The following RORA variants were observed in gnomAD, a reference collection of about 807,000 sequenced individuals.
RORA encodes nuclear receptor ROR-alpha.
A neutral mutation model predicts 69.5 loss-of-function variants in RORA; 7 were observed. The observed-to-expected ratio is 0.10, with a 90% CI of 0.06 to 0.19. The LOEUF is 0.19. Among genes scored for constraint, RORA ranks in the 10% least tolerant of loss-of-function variants. RORA has a pLI of 1.00. For synonymous variants in RORA, 261 were observed against 240.8 expected (o/e 1.08, Z -0.78); for missense variants, 457 against 663.0 (o/e 0.69, Z 3.41).
chr15:60,711,376 T>C (rs2071141944), intron 1 of RORA, among the ~76,000 whole-genome samples: 2 of 152,210 alleles, frequency 1.3e-5, no homozygotes, highest in Admixed American at 6.5e-5. Flanking sequence ...TCAATACATA[T>C]TTATTAAATA....
intron 2 of RORA, among the ~76,000 whole-genome samples, chr15:60,611,559 C>CAAAAA (rs533598270): frequency 0.11 from 3,771 of 35,642 alleles, 1,273 homozygotes; most frequent in East Asian, 0.26. Flanking sequence ...TTGAGTTTTG[C>CAAAAA]AAAAAAAAAA....
At chr15:61,118,436 A>T (rs1404695064) in intron 1 of RORA, among the ~76,000 whole-genome samples, 2 of 152,256 alleles carry the variant, frequency 1.3e-5, no homozygotes, top group African/African-American at 4.8e-5. Context: ...TCTGGTTATT[A>T]AGGAAAACAA....
At chr15:60,836,920 A>G (rs1175742771) in intron 1 of RORA, among the ~76,000 whole-genome samples, 1 of 152,106 alleles carries the variant, frequency 6.6e-6, no homozygotes, top group Non-Finnish European at 1.5e-5. Flanking sequence ...TCTTGTGTAC[A>G]TTGCAGCCAG....
chr15:61,066,719 T>C (rs2078265034), intron 1 of RORA, among the ~76,000 whole-genome samples: 3 of 151,938 alleles, frequency 2.0e-5, no homozygotes, highest in Admixed American at 2.0e-4. Flanking sequence ...CGAGCCACTA[T>C]GCCCCGCTGG....
intron 1 of RORA, among the ~76,000 whole-genome samples, chr15:61,185,439 T>C (rs1027035224): frequency 6.6e-6 from 1 of 152,140 alleles, no homozygotes; most frequent in Non-Finnish European, 1.5e-5. Flanking sequence ...CAGAATGTTC[T>C]CATCAGAAAC....
intron 1 of RORA, among the ~76,000 whole-genome samples, chr15:60,846,246 C>G (rs1339742965): frequency 6.6e-6 from 1 of 152,224 alleles, no homozygotes; most frequent in African/African-American, 2.4e-5. Context: ...GCTTCCAGGT[C>G]AGAACCACAT....
intron 1 of RORA, among the ~76,000 whole-genome samples, chr15:61,112,577 C>T (rs1371123783): frequency 6.6e-6 from 1 of 152,110 alleles, no homozygotes; most frequent in African/African-American, 2.4e-5. Context: ...GGGTGCCACG[C>T]GTATTTAACG....
rs567580446 is a variant in RORA at position 60,784,716 on chromosome 15, A to C, written c.167-106030T>G. On this transcript the variant is annotated intron_variant, in intron 1 of 10. Transcript: ENST00000335670. ...AATTAGCATCCTGGTTCTGCTATTT[A>C]ACAGCTGTATGACTTGAGCAGTGAC... 1.6e-4 allele frequency among the ~76,000 whole-genome samples: 25 copies of C among 152,348 alleles called. No individual in the cohort carries two copies. In the South Asian group the frequency reaches 4.1e-3, roughly 25 times the overall value.
chr15:60,637,236 C>T (rs1180217079), intron 2 of RORA, among the ~76,000 whole-genome samples: 1 of 152,030 alleles, frequency 6.6e-6, no homozygotes, highest in Non-Finnish European at 1.5e-5. Flanking sequence ...ATTTAAAAAT[C>T]ATGCTATCTT....
intron 1 of RORA, among the ~76,000 whole-genome samples, chr15:60,891,067 C>A (rs528210808): frequency 6.6e-6 from 1 of 152,210 alleles, no homozygotes. Flanking sequence ...GGAGATGTCT[C>A]GGGAAGATCA....
intron 2 of RORA, among the ~76,000 whole-genome samples, chr15:60,635,518 G>T (rs1266019957): frequency 1.3e-5 from 2 of 152,108 alleles, no homozygotes; most frequent in Admixed American, 1.3e-4. Context: ...GGTGTTTCTT[G>T]CCAGACATAT....
intron 1 of RORA, among the ~76,000 whole-genome samples, chr15:61,058,203 AC>A (rs1471379770): frequency 6.6e-6 from 1 of 152,154 alleles, no homozygotes. Context: ...AGGAAAAAGC[AC>A]TAGTAGAAAG....
intron 1 of RORA, among the ~76,000 whole-genome samples, chr15:60,922,211 G>A (rs1478107946): frequency 6.6e-6 from 1 of 152,178 alleles, no homozygotes; most frequent in African/African-American, 2.4e-5. Flanking sequence ...AGGATTTTGA[G>A]GGCAGTGAAA....
At chr15:61,031,635 T>C (rs1896175476) in intron 1 of RORA, among the ~76,000 whole-genome samples, 1 of 152,194 alleles carries the variant, frequency 6.6e-6, no homozygotes, top group Admixed American at 6.5e-5. Context: ...ATGCCAGATG[T>C]ACTGTTCAGT....
Position 60,878,343 on chromosome 15 carries a change from CAAAAAAAAAAAA to C in RORA, c.167-199669_167-199658del, listed in dbSNP as rs35845582. Among the ~76,000 whole-genome samples the C allele has an allele frequency of 5.1e-3, 348 of 68,436 alleles. 4 individuals are homozygous for C. The highest frequency in any genetic ancestry group is 0.018 in the African/African-American group (325 of 18,318). The allele number at this position is 68,436 out of a possible 152,430, so 44.9% of individuals were successfully genotyped here. A position where few individuals can be genotyped will look rare whatever the true frequency, so the allele number is the denominator to read the frequency against. ...TGGGCGAAAGAGCAAGACTCTGTCT[CAAAAAAAAAAAA>C]AAAAAAAAAAAAAGAATTTTCCAGT... On this transcript the variant is annotated intron_variant, in intron 1 of 10. Coordinates refer to ENST00000335670, the MANE Select transcript of RORA (RefSeq NM_134261.3).
At chr15:60,799,358 G>A (rs568362376) in intron 1 of RORA, among the ~76,000 whole-genome samples, 9 of 152,184 alleles carry the variant, frequency 5.9e-5, no homozygotes, top group East Asian at 3.9e-4. Context: ...CCTTCTTGGC[G>A]TCCTCTCAAT....
At chr15:61,001,796 G>A (rs1325821468) in intron 1 of RORA, among the ~76,000 whole-genome samples, 2 of 152,244 alleles carry the variant, frequency 1.3e-5, no homozygotes, top group African/African-American at 2.4e-5. Flanking sequence ...AGGACAGAGA[G>A]TGACTGAGGG....
chr15:60,746,976 G>C (rs2071657886), intron 1 of RORA, among the ~76,000 whole-genome samples: 1 of 152,158 alleles, frequency 6.6e-6, no homozygotes, highest in South Asian at 2.1e-4. Flanking sequence ...ACTCTAGTTA[G>C]TGTCAGCCTC....
intron 1 of RORA, among the ~76,000 whole-genome samples, chr15:61,122,308 T>C (rs782935): frequency 0.47 from 72,076 of 152,034 alleles, 17,580 homozygotes; most frequent in African/African-American, 0.57. Flanking sequence ...GACTGAGAAC[T>C]AAGGGAAGCA....
Sources: gnomAD v4.1 joint callset for allele counts (sites outside exome capture counted in the v4.1 genomes callset) on GRCh38, gnomAD v4.1.1 for gene constraint, MANE v1.5 for transcripts, NCBI Gene and HGNC (gene_info 2026-07-23, HGNC 2026-07-21) for gene names.